Variants in LDHC observed in about 807,000 individuals in gnomAD.
LDHC encodes the protein lactate dehydrogenase C.
Under a neutral mutation model 30.2 loss-of-function variants are expected in LDHC, and 20 were observed. The observed-to-expected ratio is 0.66, with a 90% confidence interval of 0.47 to 0.96. The LOEUF is 0.96. LDHC is among the 40% of genes least tolerant of loss of function. LDHC has a pLI of 0.00. For synonymous variants in LDHC, 139 were observed against 132.7 expected (o/e 1.05, Z -0.32); for missense variants, 362 against 394.9 (o/e 0.92, Z 0.71).
chr11:18,426,630 G>A (rs1848166397), intron 3 of LDHC, among the ~76,000 whole-genome samples: 2 of 151,916 alleles, frequency 1.3e-5, no homozygotes, highest in South Asian at 4.2e-4. Context: ...TTAAGTTAGG[G>A]GTTTAAATAA....
chr11:18,436,483 T>A (rs1347111371), intron 5 of LDHC, among the ~76,000 whole-genome samples: 2 of 111,742 alleles, frequency 1.8e-5, no homozygotes, highest in African/African-American at 8.7e-5. Context: ...AATACAAAGT[T>A]TTTTTTTTTT....
At chr11:18,440,987 G>T (rs1848455144) in intron 6 of LDHC, among the ~76,000 whole-genome samples, 1 of 151,662 alleles carries the variant, frequency 6.6e-6, no homozygotes, top group Non-Finnish European at 1.5e-5. Context: ...TTAACTAGTT[G>T]TAGTGTTGCA....
intron 7 of LDHC, among the ~76,000 whole-genome samples, chr11:18,449,768 C>T (rs1227328888): frequency 6.6e-6 from 1 of 152,166 alleles, no homozygotes; most frequent in Non-Finnish European, 1.5e-5. Flanking sequence ...AGGGGCACAC[C>T]TTGTGCTCCT....
intron 5 of LDHC, among the ~76,000 whole-genome samples, chr11:18,436,678 G>T (rs990247162): frequency 6.6e-6 from 1 of 151,094 alleles, no homozygotes. Context: ...TAGAGACAGG[G>T]TTTCTCCATG....
intron 4 of LDHC, among the ~76,000 whole-genome samples, chr11:18,430,562 A>G (rs780915276): frequency 2.6e-5 from 4 of 151,972 alleles, no homozygotes; most frequent in Admixed American, 6.6e-5. Context: ...GGGTTTCACT[A>G]TTTTGTCCAG....
At chr11:18,435,997 A>G (rs987284672) in intron 5 of LDHC, among the ~76,000 whole-genome samples, 6 of 152,214 alleles carry the variant, frequency 3.9e-5, no homozygotes, top group East Asian at 3.8e-4. Context: ...CATAATGGCA[A>G]TAAACCAATT....
chr11:18,424,297 G>A (rs561422226), intron 3 of LDHC, among the ~76,000 whole-genome samples: 2 of 152,150 alleles, frequency 1.3e-5, no homozygotes, highest in African/African-American at 4.8e-5. Flanking sequence ...CAGGGGAATC[G>A]CTTGAACCCA....
At chr11:18,439,836 A>AAACAAAAAAC (rs760393088) in intron 6 of LDHC, among the ~76,000 whole-genome samples, 1 of 137,476 alleles carries the variant, frequency 7.3e-6, no homozygotes, top group African/African-American at 2.8e-5. Flanking sequence ...AAAAAAAAAA[A>AAACAAAAAAC]CAAAAATTAG....
At chr11:18,413,145 G>C (rs1216946734) in intron 2 of LDHC, among the ~76,000 whole-genome samples, 4 of 150,508 alleles carry the variant, frequency 2.7e-5, no homozygotes, top group Non-Finnish European at 2.9e-5. Flanking sequence ...GCAGTGGCGC[G>C]ATCTTGGCCC....
chr11:18,431,856 CTTCTT>C (rs921670023), intron 4 of LDHC, among the ~76,000 whole-genome samples: 6 of 152,162 alleles, frequency 3.9e-5, no homozygotes, highest in African/African-American at 1.4e-4. Context: ...GGCCTGCTCT[CTTCTT>C]TTCTTGGTTA....
At position 18,415,225 on chromosome 11, in the gene LDHC, C is replaced by G. The variant is rs750947492; in HGVS notation, c.168C>G (p.Asp56Glu). The G allele has an allele frequency of 1.2e-5, 19 of 1,610,720 alleles. No homozygotes were observed. Among genetic ancestry groups the G allele is most frequent in the Non-Finnish European group, 1.6e-5 (19 of 1,177,548 alleles). The change falls in exon 3 of 8, where the codon GAC becomes GAG. Residue 56 changes from aspartate (D) to glutamate (E), a missense_variant. Coordinates refer to ENST00000541669, the MANE Select transcript of LDHC (RefSeq NM_017448.5). The part of the protein sequence containing the change: ...DELALVDVAL[D>E]KLKGEMMDLQ... ...TTGCCCTTGTTGATGTTGCATTGGA[C>G]AAACTGAAGGGAGAAATGATGGATC...
At position 18,442,910 on chromosome 11, in the gene LDHC, G is replaced by C. The variant is rs142210368; in HGVS notation, c.711-3300G>C. 3.2e-3 allele frequency among the ~76,000 whole-genome samples: 479 copies of C among 152,032 alleles called. 5 individuals are homozygous for C. The highest frequency in any genetic ancestry group is 0.011 in the African/African-American group (463 of 41,496). On this transcript the variant is annotated intron_variant, in intron 6 of 7. Transcript: ENST00000541669. Reference sequence around the variant, plus strand: ...ACTCCTGACCTCAGGTGATCTGCCCGCCTCAGCCTCCTGAAGCCACCACGC... The same window carrying C: ...ACTCCTGACCTCAGGTGATCTGCCCCCCTCAGCCTCCTGAAGCCACCACGC...
At chr11:18,442,511 A>T (rs2133843577) in intron 6 of LDHC, among the ~76,000 whole-genome samples, 1 of 152,346 alleles carries the variant, frequency 6.6e-6, no homozygotes, top group South Asian at 2.1e-4. Context: ...TATAAGACAC[A>T]GTAGGTAAAC....
At chr11:18,442,006 C>T (rs979021395) in intron 6 of LDHC, among the ~76,000 whole-genome samples, 2 of 152,172 alleles carry the variant, frequency 1.3e-5, no homozygotes, top group African/African-American at 2.4e-5. Context: ...AGGAAGCTGA[C>T]ATGGGGGCAG....
intron 3 of LDHC, among the ~76,000 whole-genome samples, chr11:18,426,564 G>A (rs1037236223): frequency 1.4e-4 from 22 of 151,882 alleles, no homozygotes; most frequent in African/African-American, 5.3e-4. Context: ...GGAAAGAAGG[G>A]AGTAATGTGA....
At chr11:18,441,807 G>T (rs1270410956) in intron 6 of LDHC, among the ~76,000 whole-genome samples, 1 of 152,108 alleles carries the variant, frequency 6.6e-6, no homozygotes, top group Admixed American at 6.5e-5. Context: ...AGCTATTTGG[G>T]AGGCTGAGGC....
chr11:18,417,881 C>T (rs1352827388), intron 3 of LDHC, among the ~76,000 whole-genome samples: 1 of 152,026 alleles, frequency 6.6e-6, no homozygotes, highest in Non-Finnish European at 1.5e-5. Flanking sequence ...CAGCCAGAGG[C>T]AACATAGTGA....
At chr11:18,422,123 A>C (rs1252393155) in intron 3 of LDHC, among the ~76,000 whole-genome samples, 2 of 152,080 alleles carry the variant, frequency 1.3e-5, no homozygotes, top group African/African-American at 2.4e-5. Context: ...AGACTGATAC[A>C]AAAAAACAAA....
At chr11:18,449,428 T>TAAAAAAAAAAAAAAA (rs557136321) in intron 7 of LDHC, among the ~76,000 whole-genome samples, 4 of 48,452 alleles carry the variant, frequency 8.3e-5, no homozygotes, top group African/African-American at 3.3e-4. Context: ...CACTGTCTCC[T>TAAAAAAAAAAAAAAA]AAAAAAAAAA....
Sources: allele counts gnomAD v4.1 joint callset (sites outside exome capture counted in the v4.1 genomes callset), GRCh38; gene constraint gnomAD v4.1.1; transcripts MANE v1.5; gene names NCBI Gene and HGNC (gene_info 2026-07-23, HGNC 2026-07-21).